Variants in GPR33 observed in about 807,000 individuals in gnomAD.
GPR33 encodes probable G protein-coupled receptor 33.
GPR33 carries 4 observed loss-of-function variants against 3.1 expected under a neutral mutation model. The ratio of observed to expected loss-of-function variants is 1.29; its 90% confidence interval spans 0.64 to 2.96. The LOEUF is 2.96. GPR33 is among the 30% of genes most tolerant of loss of function. The pLI, the probability that GPR33 is intolerant of heterozygous loss-of-function variation, is 0.01. For missense variants in GPR33, 390 were observed against 388.9 expected (o/e 1.00, Z -0.02); for synonymous variants, 138 against 142.0 (o/e 0.97, Z 0.20).
chr14:31,487,462 T>A (rs12883408), intron 1 of GPR33, among the ~76,000 whole-genome samples: 1 of 128,082 alleles, frequency 7.8e-6, no homozygotes, highest in Admixed American at 8.6e-5. Flanking sequence ...TTTTTTCAGA[T>A]GGAGTCTTGC....
At position 31,483,309 on chromosome 14, in the gene GPR33, G is replaced by A; in HGVS notation, c.657C>T (p.Phe219=). The stretch of plus-strand genomic sequence containing the variant: ...CTCTTTCATAACAAAAGATGATGAT[G>A]AAGAAAGGCAGAAGAAAGCCCAGCA... ...RFLLGFLLPF[F]IIIFCYERVA... The change falls in exon 2 of 2, where the codon TTC becomes TTT. Residue 219 remains phenylalanine, a synonymous_variant. Coordinates refer to ENST00000399285, the MANE Select transcript of GPR33 (RefSeq NM_001197184.3). The A allele has an allele frequency of 6.5e-7, 1 of 1,536,168 alleles. No individual in the cohort carries two copies. Among genetic ancestry groups the A allele is most frequent in the Non-Finnish European group, 8.7e-7 (1 of 1,146,908 alleles).
At chr14:31,486,075 A>G (rs894329841) in intron 1 of GPR33, among the ~76,000 whole-genome samples, 1 of 152,198 alleles carries the variant, frequency 6.6e-6, no homozygotes, top group Non-Finnish European at 1.5e-5. Flanking sequence ...TATACAGAGA[A>G]GTAAGATAAT....
chr14:31,486,295 T>C (rs536784197), intron 1 of GPR33, among the ~76,000 whole-genome samples: 1 of 152,080 alleles, frequency 6.6e-6, no homozygotes, highest in Admixed American at 6.6e-5. Flanking sequence ...AAAAGGGTCT[T>C]GCTGTGATAC....
Position 31,483,062 on chromosome 14 carries a change from C to A in GPR33, c.904G>T (p.Val302Phe), listed in dbSNP as rs1274271299. The A allele has an allele frequency of 3.9e-6, 6 of 1,535,962 alleles. No individual in the cohort carries two copies. The highest frequency in any genetic ancestry group is 4.4e-6 in the Non-Finnish European group (5 of 1,146,856). ...TIFSPTLYLF[V>F]GENFKKVFKK... is the part of the protein sequence containing the mutation. ...AAGACCTTTTTGAAATTCTCCCCAA[C>A]AAATAAGTAGAGTGTGGGAGAAAAG... Residue 302 changes from valine (V) to phenylalanine (F), a missense_variant, in exon 2 of 2, where the codon GTT (valine) becomes TTT (phenylalanine). Transcript: ENST00000399285.
chr14:31,486,922 G>C (rs1036797419), intron 1 of GPR33, among the ~76,000 whole-genome samples: 2 of 152,076 alleles, frequency 1.3e-5, no homozygotes, highest in Non-Finnish European at 2.9e-5. Flanking sequence ...TCTGTGATCA[G>C]TGTATGTGTA....
At position 31,483,457 on chromosome 14, in the gene GPR33, T is replaced by C. The variant is rs778607707; in HGVS notation, c.509A>G (p.His170Arg). The change falls in exon 2 of 2, where the codon CAT becomes CGT. Residue 170 changes from histidine to arginine, a missense_variant. Transcript: ENST00000399285. ...SIPYLIFRET[H>R]HDRKGKVTCQ... ...AGTCACCTTTCCTTTACGGTCATGATGTGTCTCTCTGAAAATCAAATAGGG... is the reference window on the plus strand; with the variant it reads ...AGTCACCTTTCCTTTACGGTCATGACGTGTCTCTCTGAAAATCAAATAGGG... 2.6e-6 allele frequency: 4 copies of C among 1,536,154 alleles called. No homozygotes were observed. Among genetic ancestry groups the C allele is most frequent in the Non-Finnish European group, 2.6e-6 (3 of 1,146,910 alleles).
chr14:31,483,080 G>A lies in GPR33; in HGVS notation c.886C>T (p.Pro296Ser). Reference sequence around the variant, plus strand: ...TCCCCAACAAATAAGTAGAGTGTGGGAGAAAAGATAGTATTGAAAGAAGTG... The same window carrying A: ...TCCCCAACAAATAAGTAGAGTGTGGAAGAAAAGATAGTATTGAAAGAAGTG... The part of the protein sequence containing the change: ...LTTSFNTIFS[P>S]TLYLFVGENF... The change falls in exon 2 of 2, where the codon CCC (proline) becomes TCC (serine). Residue 296 changes from proline to serine, a missense_variant. Transcript: ENST00000399285. 1.3e-6 allele frequency: 2 copies of A among 1,536,066 alleles called. No individual in the cohort carries two copies. Among genetic ancestry groups the A allele is most frequent in the African/African-American group, 2.7e-5 (2 of 73,156 alleles).
At chr14:31,484,660 A>G (rs2032398704) in intron 1 of GPR33, among the ~76,000 whole-genome samples, 1 of 152,198 alleles carries the variant, frequency 6.6e-6, no homozygotes, top group Non-Finnish European at 1.5e-5. Flanking sequence ...AAGGCAATGT[A>G]GAATGAGTCT....
chr14:31,485,190 C>T (rs1260585948), intron 1 of GPR33, among the ~76,000 whole-genome samples: 1 of 151,862 alleles, frequency 6.6e-6, no homozygotes, highest in East Asian at 2.0e-4. Context: ...TCCACCTTGG[C>T]CTCCTAAAGT....
At chr14:31,484,077 A>G in intron 1 of GPR33, 106 bp from the exon 2 acceptor site, 1 of 902,478 alleles carries the variant, frequency 1.1e-6, no homozygotes, top group South Asian at 2.0e-5. Flanking sequence ...TTCTAGTCCA[A>G]ATGATAATAT....
rs1340254505 is a variant in GPR33 at position 31,483,460 on chromosome 14, G to T, written c.506C>A (p.Thr169Lys). The T allele has an allele frequency of 2.6e-6, 4 of 1,536,156 alleles. No individual in the cohort carries two copies. The South Asian group carries it at 4.8e-5, about 18-fold the overall frequency. The change falls in exon 2 of 2, where the codon ACA becomes AAA. Residue 169 changes from threonine (T) to lysine (K), a missense_variant. By Grantham distance (78) the Thr-to-Lys change is moderately conservative (BLOSUM62 -1). Coordinates refer to ENST00000399285, the MANE Select transcript of GPR33 (RefSeq NM_001197184.3). ...CACCTTTCCTTTACGGTCATGATGTGTCTCTCTGAAAATCAAATAGGGGAT... is the reference window on the plus strand; with the variant it reads ...CACCTTTCCTTTACGGTCATGATGTTTCTCTCTGAAAATCAAATAGGGGAT... ...LSIPYLIFRETHHDRKGKVTC... is the reference protein window; with the variant it reads ...LSIPYLIFREKHHDRKGKVTC...
chr14:31,483,604 G>A lies in GPR33; in HGVS notation c.362C>T (p.Ala121Val), dbSNP rs1340042734. The change falls in exon 2 of 2, where the codon GCC becomes GTC. Residue 121 changes from alanine to valine, a missense_variant. By Grantham distance (64) the Ala-to-Val change is moderately conservative. Transcript: ENST00000399285. ...GAGAAGGTAACGATCAAGACCGATG[G>A]CCGAAAGGAAGAAAACAGAGGTGAA... ...GMFTSVFFLS[A>V]IGLDRYLLTL... is the part of the protein sequence containing the mutation. 2.5e-5 allele frequency: 38 copies of A among 1,536,042 alleles called. No individual in the cohort carries two copies. Among genetic ancestry groups the A allele is most frequent in the Non-Finnish European group, 3.2e-5 (37 of 1,146,930 alleles).
At position 31,487,581 on chromosome 14, in the gene GPR33, A is replaced by C. The variant is rs919650373; in HGVS notation, c.-7+316T>G. Among the ~76,000 whole-genome samples, 7 of 152,070 alleles carry C rather than the reference A, an allele frequency of 4.6e-5. No homozygotes were observed. In the East Asian group the frequency reaches 9.7e-4, roughly 21 times the overall value. ...CAGCCTCCTCAGTAGCTGGGACTAC[A>C]GGCACCTGCCACCATGCCTGGTTAA... On this transcript the variant is annotated intron_variant, in intron 1 of 1. Transcript: ENST00000399285.
rs939552284 is a variant in GPR33, at chr14:31,483,758, G to C, written c.208C>G (p.Leu70Val). 6.5e-7 allele frequency: 1 copy of C among 1,535,976 alleles called. No individual in the cohort carries two copies. The highest frequency in any genetic ancestry group is 8.7e-7 in the Non-Finnish European group (1 of 1,146,830). ...QTVNTLLFFH[L>V]ILSYFISTMI... ...GTTGAAATAAAATAAGAGAGAATGA[G>C]ATGAAAAAATAAGAGAGTATTGACA... Residue 70 changes from leucine (L) to valine (V), a missense_variant, in exon 2 of 2, where the codon CTC becomes GTC. Transcript: ENST00000399285.
Position 31,483,220 on chromosome 14 carries a change from G to A in GPR33, c.746C>T (p.Thr249Ile), listed in dbSNP as rs948295594. ...KSSKPFKVMM[T>I]AIISFFVCWM... ...ACACACAAAGAAAGAGATAATGGCA[G>A]TCATCATAACTTTGAAGGGCTTGCT... Residue 249 changes from threonine (T) to isoleucine (I), a missense_variant, in exon 2 of 2, where the codon ACT becomes ATT. Transcript: ENST00000399285. 5.9e-6 allele frequency: 9 copies of A among 1,536,144 alleles called. No homozygotes were observed. Among genetic ancestry groups the A allele is most frequent in the Non-Finnish European group, 7.8e-6 (9 of 1,146,910 alleles).
chr14:31,485,227 C>T (rs938546997), intron 1 of GPR33, among the ~76,000 whole-genome samples: 3 of 151,934 alleles, frequency 2.0e-5, no homozygotes, highest in East Asian at 1.9e-4. Flanking sequence ...TGAGCCACTG[C>T]GCCTGGCCAA....
chr14:31,484,334 T>G (rs932977507), intron 1 of GPR33, among the ~76,000 whole-genome samples: 2 of 151,910 alleles, frequency 1.3e-5, no homozygotes, highest in Admixed American at 6.6e-5. Context: ...CAGGCTGGAG[T>G]GCAGTGGAGT....
In GPR33 at chr14:31,484,047, A is replaced by T; in HGVS notation, c.-6-76T>A. The T allele has an allele frequency of 3.4e-6, 4 of 1,167,640 alleles. No individual in the cohort carries two copies. In the East Asian group the frequency reaches 1.0e-4, roughly 30 times the overall value. The allele number at this position is 1,167,640 out of a possible 1,614,324, so 72.3% of individuals were successfully genotyped here. On this transcript the variant is annotated intron_variant, in intron 1 of 1. Transcript: ENST00000399285. ...GGTTAAATGTAAAAATTTAAAGAGTAATTTTTTACATAGTGATACTTCTAG... is the reference window on the plus strand; with the variant it reads ...GGTTAAATGTAAAAATTTAAAGAGTTATTTTTTACATAGTGATACTTCTAG...
At chr14:31,485,865 C>CA (rs1361937822) in intron 1 of GPR33, among the ~76,000 whole-genome samples, 1 of 152,056 alleles carries the variant, frequency 6.6e-6, no homozygotes, top group Non-Finnish European at 1.5e-5. Context: ...TTTAGATAAT[C>CA]AGAGTGTTTG....
Sources: allele counts gnomAD v4.1 joint callset (sites outside exome capture counted in the v4.1 genomes callset), GRCh38; gene constraint gnomAD v4.1.1; transcripts MANE v1.5; gene names NCBI Gene and HGNC (gene_info 2026-07-23, HGNC 2026-07-21).